TEAD1: variants seen among roughly 807,000 people sequenced by gnomAD.
TEAD1 encodes the protein TEA domain transcription factor 1.
A neutral mutation model predicts 54.9 loss-of-function variants in TEAD1; 9 were observed. That is an observed-to-expected ratio of 0.16 (90% CI 0.10 to 0.29). The LOEUF (loss-of-function observed/expected upper bound fraction) is 0.29, where lower values mean the gene tolerates loss of function less well. TEAD1 is among the 10% of genes least tolerant of loss of function. The pLI is 1.00. For synonymous variants in TEAD1, 200 were observed against 187.8 expected (o/e 1.07, Z -0.53); for missense variants, 387 against 535.9 (o/e 0.72, Z 2.74).
Position 12,730,766 on chromosome 11 carries a change from T to G in TEAD1, c.-54-33413T>G, listed in dbSNP as rs527792522. Reference sequence around the variant, plus strand: ...CACAGGCTGGAGTGCACTAGTGCAATCATGGCTCACTGCAACCTCCACCTT... The same window carrying G: ...CACAGGCTGGAGTGCACTAGTGCAAGCATGGCTCACTGCAACCTCCACCTT... On this transcript the variant is annotated intron_variant, in intron 2 of 12. Transcript: ENST00000527636. 4.4e-4 allele frequency among the ~76,000 whole-genome samples: 57 copies of G among 129,944 alleles called. No individual in the cohort carries two copies. The South Asian group carries it at 0.015, about 34-fold the overall frequency. 85.2% of individuals were successfully genotyped at this position (129,944 alleles called of 152,430 possible).
intron 3 of TEAD1, among the ~76,000 whole-genome samples, chr11:12,786,286 T>C (rs1290578500): frequency 6.6e-6 from 1 of 152,114 alleles, no homozygotes; most frequent in African/African-American, 2.4e-5. Context: ...TTTTTCTATC[T>C]AAAGCTGGCA....
chr11:12,829,504 A>G (rs1564955052), intron 3 of TEAD1, among the ~76,000 whole-genome samples: 2 of 152,340 alleles, frequency 1.3e-5, no homozygotes, highest in East Asian at 3.9e-4. Context: ...TGCCTTTAGA[A>G]GTAAAATCCA....
intron 10 of TEAD1, among the ~76,000 whole-genome samples, chr11:12,903,745 G>A (rs1948463190): frequency 6.6e-6 from 1 of 152,178 alleles, no homozygotes; most frequent in African/African-American, 2.4e-5. Context: ...CCAGGAGGTC[G>A]AAGCTGCACT....
At chr11:12,784,007 A>G (rs1222823970) in intron 3 of TEAD1, among the ~76,000 whole-genome samples, 1 of 152,142 alleles carries the variant, frequency 6.6e-6, no homozygotes, top group Non-Finnish European at 1.5e-5. Context: ...TGGAGGCTCT[A>G]TCTCCCATAA....
At position 12,942,907 on chromosome 11, in the gene TEAD1, A is replaced by C. The variant is rs1303954148; in HGVS notation, c.*5685A>C. 1 of 152,234 alleles carries C rather than the reference A, an allele frequency of 6.6e-6. No homozygotes were observed. Among genetic ancestry groups the C allele is most frequent in the Non-Finnish European group, 1.5e-5 (1 of 68,040 alleles). 9.4% of individuals were successfully genotyped at this position (152,234 alleles called of 1,614,324 possible). ...TAAAGTCCTTGTTGGCTTTTATCCA[A>C]ACCTTGTAGAAATTGGGAAAGCTGA... On this transcript the variant is annotated 3_prime_UTR_variant, in exon 13 of 13. Coordinates refer to ENST00000527636, the MANE Select transcript of TEAD1 (RefSeq NM_021961.6).
Position 12,738,525 on chromosome 11 carries a change from G to A in TEAD1, c.-54-25654G>A, listed in dbSNP as rs76049635. Among the ~76,000 whole-genome samples the A allele has an allele frequency of 7.2e-5, 11 of 152,188 alleles. No homozygotes were observed. In the South Asian group the frequency reaches 2.1e-3, roughly 29 times the overall value. ...TGTTTGACACCTGAATCTTAGCCCC[G>A]GGATACCAGAAGGCAGGCACAGAAC... On this transcript the variant is annotated intron_variant, in intron 2 of 12. Coordinates refer to ENST00000527636, the MANE Select transcript of TEAD1 (RefSeq NM_021961.6).
At chr11:12,690,756 C>A (rs759373888) in intron 2 of TEAD1, among the ~76,000 whole-genome samples, 9 of 152,262 alleles carry the variant, frequency 5.9e-5, no homozygotes, top group Non-Finnish European at 1.3e-4. Context: ...TTCTCTGATA[C>A]TCTAGTTCTG....
At chr11:12,866,005 C>T (rs988699861) in intron 5 of TEAD1, among the ~76,000 whole-genome samples, 2 of 152,186 alleles carry the variant, frequency 1.3e-5, no homozygotes, top group East Asian at 1.9e-4. Context: ...TTTTTTTATG[C>T]AAACAAGGCT....
At chr11:12,814,944 T>C (rs1322073439) in intron 3 of TEAD1, among the ~76,000 whole-genome samples, 1 of 152,124 alleles carries the variant, frequency 6.6e-6, no homozygotes, top group Non-Finnish European at 1.5e-5. Context: ...GCAAGGCATA[T>C]GCGTTTTTCT....
At chr11:12,828,664 T>G (rs1334353804) in intron 3 of TEAD1, among the ~76,000 whole-genome samples, 4 of 130,112 alleles carry the variant, frequency 3.1e-5, no homozygotes, top group Non-Finnish European at 1.6e-5. Context: ...GTTTTTTTTT[T>G]TTTTAACTGA....
intron 2 of TEAD1, among the ~76,000 whole-genome samples, chr11:12,745,650 T>C (rs1944732949): frequency 6.6e-6 from 1 of 151,132 alleles, no homozygotes; most frequent in Admixed American, 6.6e-5. Context: ...CTGTGTCTTA[T>C]AATACGTGCA....
At chr11:12,788,695 TG>T (rs1945734420) in intron 3 of TEAD1, among the ~76,000 whole-genome samples, 1 of 152,216 alleles carries the variant, frequency 6.6e-6, no homozygotes, top group South Asian at 2.1e-4. Context: ...GGGACTGTCT[TG>T]TACAACATCA....
intron 3 of TEAD1, among the ~76,000 whole-genome samples, chr11:12,780,478 A>G (rs1200223896): frequency 6.6e-6 from 1 of 152,100 alleles, no homozygotes; most frequent in Non-Finnish European, 1.5e-5. Flanking sequence ...TCCTGACCTC[A>G]GGTGATGCGC....
At position 12,821,661 on chromosome 11, in the gene TEAD1, T is replaced by C. The variant is rs549514207; in HGVS notation, c.203-40589T>C. ...GTAGGAACATCTTAATTAAAGATTA[T>C]GGAAAAAAATGAAAAATGGGTTTAT... is the stretch of plus-strand genomic sequence containing the variant. On this transcript the variant is annotated intron_variant, in intron 3 of 12. Transcript: ENST00000527636. 3.9e-5 allele frequency among the ~76,000 whole-genome samples: 6 copies of C among 152,190 alleles called. No individual in the cohort carries two copies. In the East Asian group the frequency reaches 1.2e-3, roughly 29 times the overall value.
chr11:12,789,829 G>C (rs1379621433), intron 3 of TEAD1, among the ~76,000 whole-genome samples: 1 of 152,224 alleles, frequency 6.6e-6, no homozygotes. Context: ...GGGCCTGCCT[G>C]AGTCTCAGCT....
In TEAD1 at chr11:12,942,740, G is replaced by A. The variant is rs187522358; in HGVS notation, c.*5518G>A. On this transcript the variant is annotated 3_prime_UTR_variant, in exon 13 of 13. Coordinates refer to ENST00000527636, the MANE Select transcript of TEAD1 (RefSeq NM_021961.6). ...AACAAAACAAAAGTGAGTTAGGGTCGTTAAAATTGAAGTGTTCTTCTTAGG... is the reference window on the plus strand; with the variant it reads ...AACAAAACAAAAGTGAGTTAGGGTCATTAAAATTGAAGTGTTCTTCTTAGG... 5 of 152,202 alleles carry A rather than the reference G, an allele frequency of 3.3e-5. No homozygotes were observed. Among genetic ancestry groups the A allele is most frequent in the East Asian group, 3.8e-4 (2 of 5,198 alleles). The allele number at this position is 152,202 out of a possible 1,614,324, so 9.4% of individuals were successfully genotyped here. A position where few individuals can be genotyped will look rare whatever the true frequency, so the allele number is the denominator to read the frequency against.
intron 3 of TEAD1, among the ~76,000 whole-genome samples, chr11:12,784,719 T>G (rs1945641441): frequency 6.6e-6 from 1 of 151,940 alleles, no homozygotes; most frequent in Non-Finnish European, 1.5e-5. Context: ...CCCCCTAGGG[T>G]GAGTTAATGG....
At chr11:12,771,420 C>T (rs1219936525) in intron 3 of TEAD1, among the ~76,000 whole-genome samples, 7 of 152,050 alleles carry the variant, frequency 4.6e-5, no homozygotes, top group South Asian at 4.2e-4. Context: ...AGGATGCAGG[C>T]GGTGCTGGTA....
intron 9 of TEAD1, among the ~76,000 whole-genome samples, chr11:12,893,302 A>T (rs1285493782): frequency 6.6e-6 from 1 of 151,832 alleles, no homozygotes; most frequent in Non-Finnish European, 1.5e-5. Context: ...TCTCCCGGGG[A>T]AGGAGATGAT....
Sources: gnomAD v4.1 joint callset for allele counts (sites outside exome capture counted in the v4.1 genomes callset) on GRCh38, gnomAD v4.1.1 for gene constraint, MANE v1.5 for transcripts, NCBI Gene and HGNC (gene_info 2026-07-23, HGNC 2026-07-21) for gene names.